FCHSD2: variants seen among roughly 807,000 people sequenced by gnomAD.
The protein encoded by FCHSD2 is FCH and double SH3 domains 2.
Under a neutral mutation model 108.1 loss-of-function variants are expected in FCHSD2, and 38 were observed. The ratio of observed to expected loss-of-function variants is 0.35; its 90% CI spans 0.27 to 0.46. The LOEUF (loss-of-function observed/expected upper bound fraction) is 0.46. Ranked by LOEUF, FCHSD2 falls within the 20% of genes least tolerant of loss-of-function variation. FCHSD2 has a pLI of 1.00. For missense variants in FCHSD2, 751 were observed against 897.8 expected, an observed-to-expected ratio of 0.84 and a Z score of 2.09; for synonymous variants, 279 against 314.7, an observed-to-expected ratio of 0.89 and a Z score of 1.20.
chr11:72,952,128 G>A (rs1468205911), intron 8 of FCHSD2, among the ~76,000 whole-genome samples: 1 of 152,070 alleles, frequency 6.6e-6, no homozygotes, highest in Non-Finnish European at 1.5e-5. Context: ...TTAATGCTTG[G>A]AAACTCCCTG....
chr11:73,096,091 G>C (rs976742779), intron 2 of FCHSD2, among the ~76,000 whole-genome samples: 1 of 151,888 alleles, frequency 6.6e-6, no homozygotes, highest in Non-Finnish European at 1.5e-5. Context: ...AAGAAGGAAC[G>C]AGGTATCTAA....
chr11:72,863,958 T>C (rs1344256867), intron 13 of FCHSD2, among the ~76,000 whole-genome samples: 1 of 152,260 alleles, frequency 6.6e-6, no homozygotes, highest in Admixed American at 6.5e-5. Flanking sequence ...ACCTATTATA[T>C]GACCCAGCCA....
At chr11:72,984,918 G>C in intron 7 of FCHSD2, 144 bp downstream of exon 7, 1 of 512,908 alleles carries the variant, frequency 1.9e-6, no homozygotes, top group Non-Finnish European at 3.6e-6. Flanking sequence ...CCATGAACTG[G>C]GAGGGAAAGT....
intron 5 of FCHSD2, 82 bp from the exon 6 acceptor site, chr11:72,989,179 A>G: frequency 1.9e-6 from 2 of 1,073,748 alleles, no homozygotes; most frequent in East Asian, 2.6e-5. Context: ...ACTATACACT[A>G]TGCCTTCAGG....
chr11:73,096,254 A>G (rs966875067), intron 2 of FCHSD2, among the ~76,000 whole-genome samples: 1 of 151,916 alleles, frequency 6.6e-6, no homozygotes, highest in Non-Finnish European at 1.5e-5. Flanking sequence ...TTAAAAAAGA[A>G]AGCAGGCAGG....
At position 73,115,377 on chromosome 11, in the gene FCHSD2, G is replaced by A. The variant is rs143787937; in HGVS notation, c.119+24654C>T. On this transcript the variant is annotated intron_variant, in intron 2 of 19. Transcript: ENST00000409418. ...CTTTTGTATTTTTAGCAGAGATGGGGTTTCACTGTGTTAGCTAGGATAGTC... is the reference window on the plus strand; with the variant it reads ...CTTTTGTATTTTTAGCAGAGATGGGATTTCACTGTGTTAGCTAGGATAGTC... 7.9e-3 allele frequency among the ~76,000 whole-genome samples: 1,209 copies of A among 152,262 alleles called. 19 individuals carry two copies. The highest frequency in any genetic ancestry group is 0.027 in the African/African-American group (1,134 of 41,530).
chr11:72,883,304 A>C (rs1331054008), intron 12 of FCHSD2, among the ~76,000 whole-genome samples: 1 of 152,200 alleles, frequency 6.6e-6, no homozygotes, highest in African/African-American at 2.4e-5. Context: ...CTAATCATAA[A>C]GGACAAAATT....
In FCHSD2 at chr11:72,842,716, C is replaced by T. The variant is rs1861000731; in HGVS notation, c.1831G>A (p.Glu611Lys). Reference protein sequence around the residue: ...NQDDDGFWEGEFNGRIGVFPS... With the variant: ...NQDDDGFWEGKFNGRIGVFPS... Reference sequence around the variant, plus strand: ...AAAACTCCAATACGCCCATTGAATTCCCCTTCCCAGAAGCCATCATCATCT... The same window carrying T: ...AAAACTCCAATACGCCCATTGAATTTCCCTTCCCAGAAGCCATCATCATCT... The change falls in exon 17 of 20, where the codon GAA becomes AAA. Residue 611 changes from glutamate to lysine, a missense_variant. Glu to Lys is a moderately conservative substitution (Grantham distance 56). Coordinates refer to ENST00000409418, the MANE Select transcript of FCHSD2 (RefSeq NM_014824.3). 2 of 1,613,922 alleles carry T rather than the reference C, an allele frequency of 1.2e-6. No individual in the cohort carries two copies. The highest frequency in any genetic ancestry group is 1.7e-5 in the Admixed American group (1 of 60,012).
At chr11:73,099,183 C>T (rs1387872682) in intron 2 of FCHSD2, among the ~76,000 whole-genome samples, 2 of 152,150 alleles carry the variant, frequency 1.3e-5, no homozygotes, top group East Asian at 1.9e-4. Flanking sequence ...CCACTGCACT[C>T]CAGCCTCAGC....
chr11:72,988,842 G>C (rs1184422658), intron 6 of FCHSD2, 122 bp downstream of exon 6: 2 of 704,832 alleles, frequency 2.8e-6, no homozygotes, highest in African/African-American at 3.6e-5. Context: ...AACACATGTA[G>C]GTCAAATGAA....
At chr11:72,960,992 G>A (rs890659350) in intron 8 of FCHSD2, among the ~76,000 whole-genome samples, 2 of 152,182 alleles carry the variant, frequency 1.3e-5, no homozygotes, top group South Asian at 2.1e-4. Context: ...TGGTTGCAGA[G>A]TAGGGTAAAT....
chr11:73,036,962 A>C (rs1465876164), intron 3 of FCHSD2, among the ~76,000 whole-genome samples: 1 of 152,238 alleles, frequency 6.6e-6, no homozygotes, highest in Non-Finnish European at 1.5e-5. Context: ...TTAGATTTTA[A>C]ATATTTCATC....
At chr11:72,845,634 G>A (rs1861111981) in intron 14 of FCHSD2, among the ~76,000 whole-genome samples, 1 of 152,124 alleles carries the variant, frequency 6.6e-6, no homozygotes, top group Non-Finnish European at 1.5e-5. Flanking sequence ...ACCCTGCAGA[G>A]TTTGGTCCCT....
chr11:73,073,241 A>T (rs1296864835), intron 3 of FCHSD2, among the ~76,000 whole-genome samples: 3 of 152,224 alleles, frequency 2.0e-5, no homozygotes. Flanking sequence ...TTCTTACATG[A>T]CTTCTGTTTT....
intron 2 of FCHSD2, among the ~76,000 whole-genome samples, chr11:73,089,076 A>C (rs1365834430): frequency 6.6e-6 from 1 of 152,202 alleles, no homozygotes; most frequent in African/African-American, 2.4e-5. Context: ...AGCAAAAGAC[A>C]AATCTGGGAT....
At chr11:72,958,992 TATGTGTGTGTG>T (rs1243406451) in intron 8 of FCHSD2, among the ~76,000 whole-genome samples, 3 of 127,324 alleles carry the variant, frequency 2.4e-5, no homozygotes, top group Admixed American at 8.0e-5. Context: ...ATCAGTAAGA[TATGTGTGTGTG>T]TGTGTGTGTG....
chr11:72,854,715 T>C (rs189396762), intron 13 of FCHSD2, among the ~76,000 whole-genome samples: 17 of 152,368 alleles, frequency 1.1e-4, no homozygotes, highest in Middle Eastern at 3.4e-3. Flanking sequence ...ACTCTGATTC[T>C]ACTTATTTGA....
intron 3 of FCHSD2, among the ~76,000 whole-genome samples, chr11:73,054,680 T>C (rs1858981522): frequency 6.6e-6 from 1 of 151,382 alleles, no homozygotes; most frequent in Admixed American, 6.6e-5. Flanking sequence ...TTTCCTGTTA[T>C]AATTTTTTTT....
chr11:72,849,705 T>C (rs749241529), intron 14 of FCHSD2, 50 bp downstream of exon 14: 1 of 1,411,886 alleles, frequency 7.1e-7, no homozygotes, highest in Non-Finnish European at 1.0e-6. Flanking sequence ...GTCATGTGTA[T>C]CTTCAGAGTT....
Sources: allele counts gnomAD v4.1 joint callset (sites outside exome capture counted in the v4.1 genomes callset), GRCh38; gene constraint gnomAD v4.1.1; transcripts MANE v1.5; gene names NCBI Gene and HGNC (gene_info 2026-07-23, HGNC 2026-07-21).